Variants in NDUFAF2 observed in about 807,000 individuals in gnomAD.
NDUFAF2 encodes the protein NADH:ubiquinone oxidoreductase complex assembly factor 2.
Under a neutral mutation model 22.8 loss-of-function variants are expected in NDUFAF2, and 13 were observed. The observed-to-expected ratio is 0.57, with a 90% confidence interval of 0.37 to 0.91. The LOEUF is 0.91. Ranked by LOEUF, NDUFAF2 falls within the 40% of genes least tolerant of loss-of-function variation. NDUFAF2 has a pLI of 0.01. For missense variants in NDUFAF2, 162 were observed against 195.2 expected (o/e 0.83, Z 1.01); for synonymous variants, 53 against 64.2 (o/e 0.83, Z 0.84).
intron 1 of NDUFAF2, among the ~76,000 whole-genome samples, chr5:61,042,948 A>G (rs556476471): frequency 6.6e-6 from 1 of 152,290 alleles, no homozygotes; most frequent in African/African-American, 2.4e-5. Flanking sequence ...GGCTGGGTGC[A>G]ATGGCTCATG....
chr5:61,113,806 T>C (rs183822197), intron 3 of NDUFAF2, among the ~76,000 whole-genome samples: 2 of 117,200 alleles, frequency 1.7e-5, no homozygotes, highest in African/African-American at 5.8e-5. Context: ...AACTAATACA[T>C]AGGATTAAAG....
At chr5:60,950,405 G>A (rs539536401) in intron 1 of NDUFAF2, among the ~76,000 whole-genome samples, 146 of 151,896 alleles carry the variant, frequency 9.6e-4, no homozygotes, top group African/African-American at 3.2e-3. Flanking sequence ...GGCTGGTCTC[G>A]AACTCCTGAC....
rs142190260 is a variant in NDUFAF2 at position 61,053,012 on chromosome 5, A to G, written c.128-20113A>G. Reference sequence around the variant, plus strand: ...CTAAGTTTTCTCTAGTGCATTGTAAATGAAACAGATGTGAGTCACTTCATT... The same window carrying G: ...CTAAGTTTTCTCTAGTGCATTGTAAGTGAAACAGATGTGAGTCACTTCATT... On this transcript the variant is annotated intron_variant, in intron 1 of 3. Coordinates refer to ENST00000296597, the MANE Select transcript of NDUFAF2 (RefSeq NM_174889.5). Among the ~76,000 whole-genome samples the G allele has an allele frequency of 1.3e-3, 197 of 152,356 alleles. 1 individual carries two copies. Among genetic ancestry groups the G allele is most frequent in the African/African-American group, 4.6e-3 (191 of 41,582 alleles).
chr5:61,027,257 G>A (rs1053432751), intron 1 of NDUFAF2, among the ~76,000 whole-genome samples: 4 of 149,118 alleles, frequency 2.7e-5, no homozygotes, highest in African/African-American at 7.4e-5. Context: ...GAAAAGAAGA[G>A]TATATATTTC....
intron 1 of NDUFAF2, among the ~76,000 whole-genome samples, chr5:61,037,706 T>A (rs1166427758): frequency 1.3e-5 from 2 of 152,178 alleles, no homozygotes; most frequent in Non-Finnish European, 2.9e-5. Context: ...TACTCGCTTT[T>A]AAAAATCAAA....
At chr5:61,063,504 AAAAC>A (rs559418797) in intron 1 of NDUFAF2, among the ~76,000 whole-genome samples, 11 of 152,072 alleles carry the variant, frequency 7.2e-5, no homozygotes, top group African/African-American at 1.9e-4. Flanking sequence ...ACCCTGTCTC[AAAAC>A]AAACAAACAA....
intron 1 of NDUFAF2, among the ~76,000 whole-genome samples, chr5:61,041,093 C>T (rs915074717): frequency 3.3e-5 from 5 of 152,070 alleles, no homozygotes; most frequent in Non-Finnish European, 7.4e-5. Context: ...AGTAAAATGA[C>T]TTACAAATGT....
At position 61,013,057 on chromosome 5, in the gene NDUFAF2, T is replaced by C. The variant is rs1344889575; in HGVS notation, c.128-60068T>C. Among the ~76,000 whole-genome samples, 4 of 152,236 alleles carry C rather than the reference T, an allele frequency of 2.6e-5. No homozygotes were observed. In the East Asian group the frequency reaches 7.7e-4, roughly 29 times the overall value. On this transcript the variant is annotated intron_variant, in intron 1 of 3. Transcript: ENST00000296597. Reference sequence around the variant, plus strand: ...TTAAAAACTTCTCCAACAGTTTGGTTACCTTGGAATAAAAAAAAATTATCT... The same window carrying C: ...TTAAAAACTTCTCCAACAGTTTGGTCACCTTGGAATAAAAAAAAATTATCT...
At chr5:61,129,940 A>T (rs1753088227) in intron 3 of NDUFAF2, among the ~76,000 whole-genome samples, 1 of 152,040 alleles carries the variant, frequency 6.6e-6, no homozygotes, top group South Asian at 2.1e-4. Flanking sequence ...CCTTGAGAAA[A>T]TTTTCCAGAT....
intron 1 of NDUFAF2, among the ~76,000 whole-genome samples, chr5:61,052,088 G>A (rs1752031309): frequency 6.6e-6 from 1 of 150,908 alleles, no homozygotes; most frequent in South Asian, 2.1e-4. Flanking sequence ...AAGCAATAAA[G>A]TACAAAATCT....
intron 1 of NDUFAF2, among the ~76,000 whole-genome samples, chr5:61,032,446 T>C (rs1454837738): frequency 1.3e-5 from 2 of 152,202 alleles, no homozygotes; most frequent in Non-Finnish European, 1.5e-5. Flanking sequence ...TGCATATGGC[T>C]AGCCAGTTTT....
chr5:60,960,216 G>A (rs1342202261), intron 1 of NDUFAF2, among the ~76,000 whole-genome samples: 1 of 152,044 alleles, frequency 6.6e-6, no homozygotes, highest in Non-Finnish European at 1.5e-5. Context: ...TTTGTTTTGA[G>A]GGTTTTGTAA....
At chr5:61,036,063 A>G (rs1751797058) in intron 1 of NDUFAF2, among the ~76,000 whole-genome samples, 1 of 152,130 alleles carries the variant, frequency 6.6e-6, no homozygotes, top group South Asian at 2.1e-4. Context: ...CACTTGGAAA[A>G]GTTTTCAGCA....
At chr5:60,970,178 TCTTG>T (rs1307247021) in intron 1 of NDUFAF2, among the ~76,000 whole-genome samples, 1 of 152,194 alleles carries the variant, frequency 6.6e-6, no homozygotes, top group African/African-American at 2.4e-5. Flanking sequence ...GTTTTGTTCA[TCTTG>T]CTTAGAATAG....
At chr5:61,039,129 C>T (rs1028309120) in intron 1 of NDUFAF2, among the ~76,000 whole-genome samples, 5 of 139,682 alleles carry the variant, frequency 3.6e-5, no homozygotes, top group Non-Finnish European at 7.6e-5. Flanking sequence ...AACTGTTTCT[C>T]ACAGCTGACA....
At chr5:61,043,140 A>G (rs1313496944) in intron 1 of NDUFAF2, among the ~76,000 whole-genome samples, 1 of 152,072 alleles carries the variant, frequency 6.6e-6, no homozygotes, top group Non-Finnish European at 1.5e-5. Flanking sequence ...GAATTGCTTG[A>G]ACTTGGGAGG....
chr5:61,080,661 G>A (rs1752430281), intron 2 of NDUFAF2, among the ~76,000 whole-genome samples: 1 of 151,916 alleles, frequency 6.6e-6, no homozygotes, highest in Middle Eastern at 3.2e-3. Flanking sequence ...CTTCTTTGGT[G>A]TACTTTTATA....
chr5:60,952,446 A>G (rs1216594952), intron 1 of NDUFAF2, among the ~76,000 whole-genome samples: 55 of 152,024 alleles, frequency 3.6e-4, no homozygotes, highest in Admixed American at 3.5e-3. Flanking sequence ...TATATGACCT[A>G]TGTATTTATT....
intron 3 of NDUFAF2, among the ~76,000 whole-genome samples, chr5:61,149,573 A>G (rs1741197545): frequency 1.3e-5 from 2 of 152,220 alleles, no homozygotes; most frequent in African/African-American, 4.8e-5. Flanking sequence ...GTGATAAAAT[A>G]ACATTCAGCC....
Sources: gnomAD v4.1 joint callset for allele counts (sites outside exome capture counted in the v4.1 genomes callset) on GRCh38, gnomAD v4.1.1 for gene constraint, MANE v1.5 for transcripts, NCBI Gene and HGNC (gene_info 2026-07-23, HGNC 2026-07-21) for gene names.